ERBB4: variants seen among roughly 807,000 people sequenced by gnomAD.
ERBB4 encodes receptor tyrosine-protein kinase erbB-4.
A neutral mutation model predicts 158.0 loss-of-function variants in ERBB4; 42 were observed. The observed-to-expected ratio is 0.27, with a 90% confidence interval of 0.21 to 0.34. The LOEUF (loss-of-function observed/expected upper bound fraction) is 0.34. ERBB4 is among the 10% of genes least tolerant of loss of function. The probability of loss-of-function intolerance (pLI) is 1.00; values close to 1 mark genes in which losing one functional copy is unlikely to be tolerated. For synonymous variants in ERBB4, 583 were observed against 558.7 expected, an observed-to-expected ratio of 1.04 and a Z score of -0.61; for missense variants, 1,333 against 1,624.1, an observed-to-expected ratio of 0.82 and a Z score of 3.08.
At chr2:211,409,272 C>CT (rs1454833684) in intron 25 of ERBB4, among the ~76,000 whole-genome samples, 1 of 152,122 alleles carries the variant, frequency 6.6e-6, no homozygotes, top group East Asian at 1.9e-4. Context: ...CTTTGCCTCT[C>CT]TGCTTCATTT....
chr2:212,185,029 T>TTTTC (rs1451733535), intron 1 of ERBB4, among the ~76,000 whole-genome samples: 11 of 142,778 alleles, frequency 7.7e-5, no homozygotes, highest in African/African-American at 2.6e-4. Flanking sequence ...TTCTTTTTTT[T>TTTTC]TTTTCTTTTG....
chr2:212,418,904 TCA>T (rs1416613169), intron 1 of ERBB4, among the ~76,000 whole-genome samples: 4 of 151,858 alleles, frequency 2.6e-5, no homozygotes, highest in Non-Finnish European at 4.4e-5. Flanking sequence ...CCTACAGAGT[TCA>T]TTTTACTATA....
At chr2:211,410,549 G>T (rs972481973) in intron 25 of ERBB4, among the ~76,000 whole-genome samples, 1 of 152,170 alleles carries the variant, frequency 6.6e-6, no homozygotes, top group Non-Finnish European at 1.5e-5. Context: ...GGAAAAAGCA[G>T]ATTCCCTGAA....
At chr2:212,069,894 G>A (rs1386241572) in intron 2 of ERBB4, among the ~76,000 whole-genome samples, 1 of 151,912 alleles carries the variant, frequency 6.6e-6, no homozygotes, top group African/African-American at 2.4e-5. Context: ...GAGGTGAGAG[G>A]ATCACTTGAG....
intron 14 of ERBB4, among the ~76,000 whole-genome samples, chr2:211,666,794 C>T (rs754767556): frequency 1.4e-4 from 22 of 152,074 alleles, no homozygotes; most frequent in Non-Finnish European, 2.9e-4. Context: ...CTGGCTATGT[C>T]CATAGGGTTC....
At chr2:212,442,041 T>C (rs2092264890) in intron 1 of ERBB4, among the ~76,000 whole-genome samples, 1 of 152,028 alleles carries the variant, frequency 6.6e-6, no homozygotes, top group South Asian at 2.1e-4. Flanking sequence ...TTAGAGATAA[T>C]TGCACTCAAC....
rs1316645765 is a variant in ERBB4 at position 211,487,551 on chromosome 2, A to T, written c.2488-56451T>A. On this transcript the variant is annotated intron_variant, in intron 20 of 27. Transcript: ENST00000342788. The stretch of plus-strand genomic sequence containing the variant: ...GCAACTTGACATTTTAAAAACAATT[A>T]TTTTCTATTTTATTGTACAAGCCAG... 2.0e-5 allele frequency among the ~76,000 whole-genome samples: 3 copies of T among 151,960 alleles called. No homozygotes were observed. In the South Asian group the frequency reaches 6.2e-4, roughly 31 times the overall value.
At chr2:211,580,449 C>T (rs750103374) in intron 19 of ERBB4, among the ~76,000 whole-genome samples, 27 of 151,914 alleles carry the variant, frequency 1.8e-4, no homozygotes, top group Non-Finnish European at 2.9e-4. Context: ...CAATGAGATA[C>T]CACCTTACTC....
At chr2:211,954,674 G>C (rs2080979775) in intron 2 of ERBB4, among the ~76,000 whole-genome samples, 2 of 151,976 alleles carry the variant, frequency 1.3e-5, no homozygotes, top group African/African-American at 4.8e-5. Context: ...GTAATAGAAA[G>C]TCCCTTCTGC....
chr2:212,136,918 A>C (rs17344454), intron 1 of ERBB4, among the ~76,000 whole-genome samples: 6,633 of 152,264 alleles, frequency 0.044, 189 homozygotes, highest in Non-Finnish European at 0.065. Flanking sequence ...GGGATGTTTT[A>C]AAACCCAATT....
rs557354457 is a variant in ERBB4 at position 211,937,620 on chromosome 2, A to T, written c.421+9810T>A. Among the ~76,000 whole-genome samples, 42 of 152,230 alleles carry T rather than the reference A, an allele frequency of 2.8e-4. 1 individual carries two copies. Among genetic ancestry groups the T allele is most frequent in the African/African-American group, 9.9e-4 (41 of 41,522 alleles). On this transcript the variant is annotated intron_variant, in intron 3 of 27. Transcript: ENST00000342788. ...ACAATCATGGGAGAAGGGGAAGCAA[A>T]CACATCCTTCTTCACAGGCCAGAAG...
intron 7 of ERBB4, among the ~76,000 whole-genome samples, chr2:211,721,694 T>G (rs2074100393): frequency 6.7e-6 from 1 of 150,262 alleles, no homozygotes; most frequent in South Asian, 2.1e-4. Context: ...ATGCTAAGTA[T>G]TCTAGTTATA....
intron 25 of ERBB4, among the ~76,000 whole-genome samples, chr2:211,418,682 AT>A (rs199772070): frequency 3.9e-4 from 59 of 151,566 alleles, no homozygotes; most frequent in Admixed American, 1.1e-3. Flanking sequence ...AAGAAAAACT[AT>A]TTTTTTTTAA....
In ERBB4 at chr2:211,397,055, C is replaced by T. The variant is rs532859526; in HGVS notation, c.3136-9063G>A. Among the ~76,000 whole-genome samples, 123 of 152,252 alleles carry T rather than the reference C, an allele frequency of 8.1e-4. 2 individuals carry two copies. In the South Asian group the frequency reaches 0.024, roughly 30 times the overall value. On this transcript the variant is annotated intron_variant, in intron 25 of 27. Coordinates refer to ENST00000342788, the MANE Select transcript of ERBB4 (RefSeq NM_005235.3). Reference sequence around the variant, plus strand: ...ATCAGCCCAGAGCAAACACTAGTTACATTTGACAGAAACAGGCTGGTATTT... The same window carrying T: ...ATCAGCCCAGAGCAAACACTAGTTATATTTGACAGAAACAGGCTGGTATTT...
At chr2:211,465,313 A>T (rs1386885622) in intron 20 of ERBB4, among the ~76,000 whole-genome samples, 1 of 152,006 alleles carries the variant, frequency 6.6e-6, no homozygotes, top group Admixed American at 6.6e-5. Flanking sequence ...GAACAGAAGC[A>T]CCTCCCAGCT....
intron 2 of ERBB4, among the ~76,000 whole-genome samples, chr2:212,105,003 G>A (rs982804697): frequency 6.7e-6 from 1 of 148,292 alleles, no homozygotes; most frequent in South Asian, 2.1e-4. Flanking sequence ...AGACATCAAC[G>A]TCCTTTCTCT....
intron 1 of ERBB4, among the ~76,000 whole-genome samples, chr2:212,251,668 G>C (rs536276132): frequency 6.6e-6 from 1 of 151,906 alleles, no homozygotes; most frequent in African/African-American, 2.4e-5. Context: ...CTGAGGTAGG[G>C]GTGTGCCCAA....
intron 20 of ERBB4, chr2:211,561,669 T>G (rs2067396257): frequency 1.9e-6 from 1 of 516,484 alleles, no homozygotes; most frequent in African/African-American, 1.9e-5. Context: ...CTATTTGTTT[T>G]GGCACCTAGT....
At chr2:212,054,212 A>G (rs1347865792) in intron 2 of ERBB4, among the ~76,000 whole-genome samples, 1 of 152,172 alleles carries the variant, frequency 6.6e-6, no homozygotes, top group Non-Finnish European at 1.5e-5. Flanking sequence ...AGAGAAGTGG[A>G]AAAATATAGC....
Sources: allele counts gnomAD v4.1 joint callset (sites outside exome capture counted in the v4.1 genomes callset), GRCh38; gene constraint gnomAD v4.1.1; transcripts MANE v1.5; gene names NCBI Gene and HGNC (gene_info 2026-07-23, HGNC 2026-07-21).